The following ZMYM2 variants were observed in gnomAD, a reference collection of about 807,000 sequenced individuals.
The protein encoded by ZMYM2 is zinc finger MYM-type containing 2.
A neutral mutation model predicts 162.8 loss-of-function variants in ZMYM2; 56 were observed. The observed-to-expected ratio is 0.34, with a 90% confidence interval of 0.28 to 0.43. The LOEUF (loss-of-function observed/expected upper bound fraction) is 0.43. Ranked by LOEUF, ZMYM2 falls within the 20% of genes least tolerant of loss-of-function variation. ZMYM2 has a pLI of 1.00. For synonymous variants in ZMYM2, 510 were observed against 541.6 expected (o/e 0.94, Z 0.81); for missense variants, 1,275 against 1,621.8 (o/e 0.79, Z 3.67).
intron 12 of ZMYM2, among the ~76,000 whole-genome samples, chr13:20,047,752 G>C (rs1403730643): frequency 2.0e-5 from 3 of 151,982 alleles, no homozygotes; most frequent in African/African-American, 4.8e-5. Flanking sequence ...TTTGCTTCTA[G>C]ATTTAAAATA....
intron 6 of ZMYM2, among the ~76,000 whole-genome samples, chr13:20,017,440 G>A (rs993827337): frequency 6.6e-6 from 1 of 152,128 alleles, no homozygotes; most frequent in African/African-American, 2.4e-5. Context: ...TTTGAATTTG[G>A]TGTATCTTGG....
chr13:19,989,353 G>C (rs1226907898), intron 2 of ZMYM2, among the ~76,000 whole-genome samples: 2 of 152,102 alleles, frequency 1.3e-5, no homozygotes. Flanking sequence ...ACCCAGGCTG[G>C]AGTGCAGTGG....
At chr13:19,897,424 G>T in the ZMYM2 span, among the ~76,000 whole-genome samples, 1 of 152,132 alleles carries the variant, frequency 6.6e-6, no homozygotes, top group Non-Finnish European at 1.5e-5. Flanking sequence ...AGGACATGCA[G>T]AGGATAAACG....
At chr13:20,027,593 T>A (rs1179483108) in intron 9 of ZMYM2, among the ~76,000 whole-genome samples, 1 of 152,104 alleles carries the variant, frequency 6.6e-6, no homozygotes, top group Non-Finnish European at 1.5e-5. Context: ...TTTTTTCTTA[T>A]TAGATAGTTT....
chr13:19,954,368 G>A (rs527916626), upstream of ZMYM2, among the ~76,000 whole-genome samples: 5 of 151,612 alleles, frequency 3.3e-5, no homozygotes, highest in African/African-American at 1.2e-4. Flanking sequence ...CGCCCGCCTC[G>A]GCCTCCCAAA....
At chr13:19,921,794 G>A in the ZMYM2 span, among the ~76,000 whole-genome samples, 21 of 152,304 alleles carry the variant, frequency 1.4e-4, no homozygotes, top group African/African-American at 4.3e-4. Context: ...CAAGAAAGAA[G>A]CTGAGGCAAA....
the ZMYM2 span, among the ~76,000 whole-genome samples, chr13:19,872,770 G>A: frequency 3.3e-5 from 5 of 152,020 alleles, no homozygotes; most frequent in African/African-American, 7.2e-5. Flanking sequence ...AGGCTGAGTC[G>A]GGTAGATCAC....
At position 20,086,218 on chromosome 13, in the gene ZMYM2, C is replaced by T. The variant is rs1318455370; in HGVS notation, c.*204C>T. On this transcript the variant is annotated 3_prime_UTR_variant, in exon 25 of 25. Coordinates refer to ENST00000610343, the MANE Select transcript of ZMYM2 (RefSeq NM_197968.4). ...GTGGTTTTAGGATACTTAACAAATA[C>T]ATTCAAATTCTTTTTTTATTATTAT... is the stretch of plus-strand genomic sequence containing the variant. The T allele has an allele frequency of 2.6e-6, 1 of 391,566 alleles. No individual in the cohort carries two copies. The highest frequency in any genetic ancestry group is 4.5e-6 in the Non-Finnish European group (1 of 220,626). The allele number at this position is 391,566 out of a possible 1,614,324, so 24.3% of individuals were successfully genotyped here.
intron 2 of ZMYM2, among the ~76,000 whole-genome samples, chr13:19,971,005 C>T (rs1348645767): frequency 1.3e-5 from 2 of 151,870 alleles, no homozygotes; most frequent in Non-Finnish European, 2.9e-5. Context: ...AGCTTGAACT[C>T]TTCCACAGCC....
chr13:19,919,161 C>CT, the ZMYM2 span, among the ~76,000 whole-genome samples: 1 of 150,912 alleles, frequency 6.6e-6, no homozygotes. Flanking sequence ...TAGCATATGC[C>CT]TTTGCGATCC....
chr13:19,907,823 C>T, the ZMYM2 span, among the ~76,000 whole-genome samples: 12 of 116,866 alleles, frequency 1.0e-4, no homozygotes, highest in East Asian at 7.4e-4. Flanking sequence ...GAAAAGAGAA[C>T]GAAAAAAAGG....
At chr13:20,052,380 A>C in intron 14 of ZMYM2, 69 bp downstream of exon 14, 1 of 1,408,162 alleles carries the variant, frequency 7.1e-7, no homozygotes, top group South Asian at 1.4e-5. Context: ...AATTAGGCCA[A>C]TTTAATGTGA....
At chr13:19,883,223 G>T in the ZMYM2 span, among the ~76,000 whole-genome samples, 1 of 152,172 alleles carries the variant, frequency 6.6e-6, no homozygotes, top group South Asian at 2.1e-4. Flanking sequence ...AACCAGATAG[G>T]TGGTTTCCAG....
intron 21 of ZMYM2, among the ~76,000 whole-genome samples, chr13:20,077,075 A>G (rs1380040538): frequency 6.7e-6 from 1 of 150,288 alleles, no homozygotes; most frequent in African/African-American, 2.5e-5. Context: ...GGCGTGAGCC[A>G]CCACGCCTGG....
intron 12 of ZMYM2, among the ~76,000 whole-genome samples, chr13:20,046,221 G>T (rs2140486866): frequency 6.6e-6 from 1 of 152,076 alleles, no homozygotes. Flanking sequence ...ACTTAAGCCT[G>T]GGTGACAGAG....
chr13:20,018,130 C>G (rs1051193740), intron 6 of ZMYM2, among the ~76,000 whole-genome samples: 1 of 152,116 alleles, frequency 6.6e-6, no homozygotes, highest in African/African-American at 2.4e-5. Flanking sequence ...CTGATACCAC[C>G]CTGACTAGAG....
the ZMYM2 span, among the ~76,000 whole-genome samples, chr13:19,917,399 GC>G: frequency 1.3e-5 from 2 of 151,930 alleles, no homozygotes; most frequent in South Asian, 4.2e-4. Context: ...GACCAGCCTG[GC>G]CGATATGATG....
chr13:20,003,167 A>G (rs2139914039), intron 4 of ZMYM2, 32 bp downstream of exon 4: 2 of 1,578,006 alleles, frequency 1.3e-6, no homozygotes, highest in East Asian at 2.3e-5. Context: ...AATTACATAT[A>G]GTTGAATTTT....
At chr13:20,082,488 A>G (rs1218412507) in intron 22 of ZMYM2, among the ~76,000 whole-genome samples, 1 of 152,122 alleles carries the variant, frequency 6.6e-6, no homozygotes, top group East Asian at 1.9e-4. Flanking sequence ...CAGGAATTTA[A>G]ATTCCTGAAT....
Sources: allele counts gnomAD v4.1 joint callset (sites outside exome capture counted in the v4.1 genomes callset), GRCh38; gene constraint gnomAD v4.1.1; transcripts MANE v1.5; gene names NCBI Gene and HGNC (gene_info 2026-07-23, HGNC 2026-07-21).